Variants in TUBGCP3 observed in about 807,000 individuals in gnomAD.
The protein encoded by TUBGCP3 is gamma-tubulin complex component 3.
TUBGCP3 carries 50 observed loss-of-function variants against 123.1 expected under a neutral mutation model. That is an observed-to-expected ratio of 0.41 (90% CI 0.32 to 0.51). The LOEUF is 0.51. Ranked by LOEUF, TUBGCP3 falls within the 20% of genes least tolerant of loss-of-function variation. The probability of loss-of-function intolerance (pLI) is 0.36; values close to 1 mark genes in which losing one functional copy is unlikely to be tolerated. For missense variants in TUBGCP3, 882 were observed against 1,127.0 expected (o/e 0.78, Z 3.11); for synonymous variants, 405 against 413.9 (o/e 0.98, Z 0.26).
intron 14 of TUBGCP3, among the ~76,000 whole-genome samples, chr13:112,520,238 A>G (rs906917559): frequency 2.0e-5 from 3 of 152,190 alleles, no homozygotes; most frequent in African/African-American, 7.2e-5. Flanking sequence ...TCTGAAAAAT[A>G]CTGATTTTGG....
At chr13:112,497,082 T>C (rs1347483740) in intron 20 of TUBGCP3, among the ~76,000 whole-genome samples, 2 of 152,202 alleles carry the variant, frequency 1.3e-5, no homozygotes, top group Non-Finnish European at 1.5e-5. Flanking sequence ...TGGGCAGTTT[T>C]ACAAATGGCA....
chr13:112,564,478 A>G (rs1880792213), intron 3 of TUBGCP3, among the ~76,000 whole-genome samples: 1 of 152,174 alleles, frequency 6.6e-6, no homozygotes, highest in African/African-American at 2.4e-5. Flanking sequence ...ATCTCACCCT[A>G]TGATTCAATT....
chr13:112,506,253 G>A (rs1881298467), intron 17 of TUBGCP3, among the ~76,000 whole-genome samples: 1 of 152,084 alleles, frequency 6.6e-6, no homozygotes, highest in African/African-American at 2.4e-5. Context: ...TAACCAACCA[G>A]AGCTCCAAAG....
chr13:112,553,939 C>T lies in TUBGCP3; in HGVS notation c.966+118G>A, dbSNP rs567291610. 5 of 1,487,556 alleles carry T rather than the reference C, an allele frequency of 3.4e-6. No homozygotes were observed. In the Admixed American group the frequency reaches 1.1e-4, roughly 34 times the overall value. 92.1% of individuals were successfully genotyped at this position (1,487,556 alleles called of 1,614,324 possible). On this transcript the variant is annotated intron_variant, in intron 8 of 21. Transcript: ENST00000261965. ...TGAGTGGACCCTGAAAGTTGACTCT[C>T]AAAGCTGCTTTACTTGGAAAGAGCC... is the stretch of plus-strand genomic sequence containing the variant.
At chr13:112,510,100 C>T (rs934280950) in intron 17 of TUBGCP3, among the ~76,000 whole-genome samples, 6 of 152,168 alleles carry the variant, frequency 3.9e-5, no homozygotes, top group African/African-American at 1.4e-4. Flanking sequence ...CCACACTGGA[C>T]GGCCGATACA....
At chr13:112,504,485 C>CAAA in intron 18 of TUBGCP3, 141 bp downstream of exon 18, 15 of 359,042 alleles carry the variant, frequency 4.2e-5, no homozygotes, top group South Asian at 1.3e-4. Flanking sequence ...GACTCCATCT[C>CAAA]AAAAAAAAAA....
chr13:112,506,734 G>A (rs914363738), intron 17 of TUBGCP3, among the ~76,000 whole-genome samples: 2 of 152,072 alleles, frequency 1.3e-5, no homozygotes, highest in South Asian at 2.1e-4. Context: ...CTATAAATAC[G>A]GTCTAAGATT....
intron 3 of TUBGCP3, among the ~76,000 whole-genome samples, chr13:112,562,577 C>T (rs568828183): frequency 1.2e-4 from 18 of 152,240 alleles, no homozygotes; most frequent in Admixed American, 1.2e-3. Flanking sequence ...AGACACACAG[C>T]GAGAGGCCAG....
At chr13:112,498,027 C>T (rs532605469) in intron 20 of TUBGCP3, among the ~76,000 whole-genome samples, 132 of 152,264 alleles carry the variant, frequency 8.7e-4, no homozygotes, top group Non-Finnish European at 1.1e-3. Flanking sequence ...TGTACATATA[C>T]ATGTACACAC....
At chr13:112,491,051 C>T (rs905724550) in intron 20 of TUBGCP3, among the ~76,000 whole-genome samples, 5 of 152,210 alleles carry the variant, frequency 3.3e-5, no homozygotes, top group African/African-American at 1.2e-4. Context: ...CCCGCTACCT[C>T]TCAGATTCAT....
chr13:112,531,818 G>C (rs1328465720), intron 11 of TUBGCP3, among the ~76,000 whole-genome samples: 1 of 151,362 alleles, frequency 6.6e-6, no homozygotes, highest in East Asian at 1.9e-4. Context: ...GTTATAGAGG[G>C]AAAAAAACCA....
intron 21 of TUBGCP3, among the ~76,000 whole-genome samples, chr13:112,487,354 G>A (rs1257445486): frequency 1.3e-5 from 2 of 152,130 alleles, no homozygotes; most frequent in African/African-American, 2.4e-5. Context: ...TGCTGTTACA[G>A]AAAAGAATCT....
intron 1 of TUBGCP3, among the ~76,000 whole-genome samples, chr13:112,579,157 A>AACACAC (rs113223786): frequency 2.6e-5 from 4 of 151,638 alleles, no homozygotes; most frequent in Non-Finnish European, 4.4e-5. Context: ...ATGAATGGCA[A>AACACAC]ACACACACAC....
At position 112,524,093 on chromosome 13, in the gene TUBGCP3, G is replaced by A. The variant is rs760653359; in HGVS notation, c.1556-1584C>T. ...AGCATCTGCAGGGGACCAATCCCAC[G>A]ACCCCCACAGACACCAAAATTCCCT... On this transcript the variant is annotated intron_variant, in intron 13 of 21. Coordinates refer to ENST00000261965, the MANE Select transcript of TUBGCP3 (RefSeq NM_006322.6). The surrounding 1 kb of genome is among the most constrained non-coding windows in gnomAD (Gnocchi z 4.4). Among the ~76,000 whole-genome samples, 14 of 152,008 alleles carry A rather than the reference G, an allele frequency of 9.2e-5. No homozygotes were observed. The highest frequency in any genetic ancestry group is 1.6e-4 in the Non-Finnish European group (11 of 68,008).
At chr13:112,550,985 G>A (rs1879528753) in intron 8 of TUBGCP3, among the ~76,000 whole-genome samples, 1 of 152,124 alleles carries the variant, frequency 6.6e-6, no homozygotes, top group Non-Finnish European at 1.5e-5. Flanking sequence ...TGTGGTTCCG[G>A]CTACTCGGGA....
At chr13:112,521,883 T>C (rs1876655339) in intron 14 of TUBGCP3, 13 of 983,694 alleles carry the variant, frequency 1.3e-5, no homozygotes, top group African/African-American at 1.7e-5. Context: ...GAAGATGCCA[T>C]GAGAAATGTC....
chr13:112,510,525 CACCT>C (rs1881610381), intron 17 of TUBGCP3, among the ~76,000 whole-genome samples: 1 of 152,126 alleles, frequency 6.6e-6, no homozygotes. Context: ...AGTCTCTAAC[CACCT>C]TTGAGGATCT....
intron 17 of TUBGCP3, among the ~76,000 whole-genome samples, chr13:112,512,800 A>G (rs938643655): frequency 6.6e-5 from 10 of 152,202 alleles, no homozygotes; most frequent in African/African-American, 2.2e-4. Context: ...ACCATTTCAG[A>G]GAATTAACAT....
chr13:112,576,840 A>C (rs1881855850), intron 1 of TUBGCP3, among the ~76,000 whole-genome samples: 1 of 152,032 alleles, frequency 6.6e-6, no homozygotes. Flanking sequence ...ATCTCAGTTT[A>C]TATGATAAAA....
Sources: gnomAD v4.1 joint callset for allele counts (sites outside exome capture counted in the v4.1 genomes callset) on GRCh38, gnomAD v4.1.1 for gene constraint, Gnocchi (gnomAD v3.1) non-coding constraint, MANE v1.5 for transcripts, NCBI Gene and HGNC (gene_info 2026-07-23, HGNC 2026-07-21) for gene names.